C9: variants seen among roughly 807,000 people sequenced by gnomAD.
C9 encodes complement component C9.
C9 carries 63 observed loss-of-function variants against 65.4 expected under a neutral mutation model. That is an observed-to-expected ratio of 0.96 (90% CI 0.79 to 1.19). C9 has a LOEUF of 1.19. C9 is among the 50% of genes most tolerant of loss of function. The pLI is 0.00. For missense variants in C9, 744 were observed against 670.1 expected, an observed-to-expected ratio of 1.11 and a Z score of -1.22; for synonymous variants, 229 against 227.9, an observed-to-expected ratio of 1.00 and a Z score of -0.04.
At chr5:39,321,847 G>A (rs111515968) in intron 5 of C9, among the ~76,000 whole-genome samples, 1 of 152,148 alleles carries the variant, frequency 6.6e-6, no homozygotes, top group Non-Finnish European at 1.5e-5. Flanking sequence ...GCACCTAAAT[G>A]TATAAAGTAA....
chr5:39,318,500 T>A (rs1212111200), intron 5 of C9, among the ~76,000 whole-genome samples: 1 of 152,170 alleles, frequency 6.6e-6, no homozygotes, highest in Non-Finnish European at 1.5e-5. Context: ...GGGTTTTTCA[T>A]ATATAGCTCT....
chr5:39,341,488 T>G, intron 3 of C9, 68 bp downstream of exon 3: 1 of 1,566,880 alleles, frequency 6.4e-7, no homozygotes, highest in East Asian at 2.2e-5. Flanking sequence ...AGCATATGCT[T>G]TTTTTTTTCT....
At chr5:39,324,579 C>T (rs544921294) in intron 5 of C9, among the ~76,000 whole-genome samples, 11 of 152,162 alleles carry the variant, frequency 7.2e-5, no homozygotes, top group Non-Finnish European at 1.3e-4. Context: ...TAGCTTTTCT[C>T]ACTATGCCAG....
At position 39,354,621 on chromosome 5, in the gene C9, C is replaced by G. The variant is rs200727739; in HGVS notation, c.77+9767G>C. Among the ~76,000 whole-genome samples the G allele has an allele frequency of 2.6e-5, 4 of 152,126 alleles. No homozygotes were observed. The East Asian group carries it at 7.7e-4, about 29-fold the overall frequency. ...CTGAGCTGGTATCCTTTCTGAGTAC[C>G]TACTATGTTCCAGGTATTTGATATT... On this transcript the variant is annotated intron_variant, in intron 1 of 10. Transcript: ENST00000263408.
chr5:39,301,254 A>G (rs1753275274), intron 9 of C9, among the ~76,000 whole-genome samples: 1 of 152,136 alleles, frequency 6.6e-6, no homozygotes, highest in Admixed American at 6.6e-5. Context: ...GAGACATTTG[A>G]CGTGATAACT....
intron 4 of C9, among the ~76,000 whole-genome samples, chr5:39,335,135 T>C (rs958759645): frequency 6.6e-6 from 1 of 152,238 alleles, no homozygotes; most frequent in African/African-American, 2.4e-5. Context: ...TTTCTTTATA[T>C]GATAGTGAAC....
In C9 at chr5:39,314,342, G is replaced by A. The variant is rs572520389; in HGVS notation, c.870+1433C>T. On this transcript the variant is annotated intron_variant, in intron 6 of 10. Transcript: ENST00000263408. ...TGCATGCCTGTAATCCCAGCTACTC[G>A]GGAGGCTGAGGCAGGAGAATTGCTT... 9.2e-4 allele frequency among the ~76,000 whole-genome samples: 140 copies of A among 151,990 alleles called. 3 individuals carry two copies. The highest frequency in any genetic ancestry group is 3.3e-3 in the African/African-American group (136 of 41,434).
At chr5:39,345,138 A>T (rs949709993) in intron 1 of C9, among the ~76,000 whole-genome samples, 1 of 152,202 alleles carries the variant, frequency 6.6e-6, no homozygotes, top group African/African-American at 2.4e-5. Flanking sequence ...ACCAGCTATC[A>T]TCATAATGAC....
intron 1 of C9, among the ~76,000 whole-genome samples, chr5:39,360,171 T>A (rs1337412949): frequency 6.6e-6 from 1 of 152,226 alleles, no homozygotes; most frequent in Non-Finnish European, 1.5e-5. Flanking sequence ...CTAACATTTG[T>A]GAGTGCTTAT....
chr5:39,351,310 G>T (rs976238235), intron 1 of C9, among the ~76,000 whole-genome samples: 1 of 152,182 alleles, frequency 6.6e-6, no homozygotes, highest in Non-Finnish European at 1.5e-5. Context: ...TCTCTGAAAT[G>T]CCCTGGAGGC....
At chr5:39,346,773 T>G (rs924748035) in intron 1 of C9, among the ~76,000 whole-genome samples, 7 of 152,160 alleles carry the variant, frequency 4.6e-5, no homozygotes, top group African/African-American at 1.7e-4. Context: ...AAATCCTCAA[T>G]AAAATACTGG....
intron 1 of C9, among the ~76,000 whole-genome samples, chr5:39,358,372 A>G (rs936179743): frequency 1.3e-5 from 2 of 152,204 alleles, no homozygotes; most frequent in African/African-American, 4.8e-5. Flanking sequence ...TTGGAGGCAC[A>G]GCAAGCATGG....
intron 5 of C9, among the ~76,000 whole-genome samples, chr5:39,328,661 CA>C (rs1359789430): frequency 2.0e-5 from 3 of 151,804 alleles, no homozygotes; most frequent in Non-Finnish European, 4.4e-5. Flanking sequence ...CAAGATATAC[CA>C]GGAGAAAAAA....
chr5:39,360,223 C>T (rs966578606), intron 1 of C9, among the ~76,000 whole-genome samples: 6 of 152,162 alleles, frequency 3.9e-5, no homozygotes, highest in African/African-American at 1.4e-4. Flanking sequence ...TATTTATCAT[C>T]TCACTTAATT....
intron 4 of C9, among the ~76,000 whole-genome samples, chr5:39,340,092 G>A (rs1031814714): frequency 2.6e-5 from 4 of 152,006 alleles, no homozygotes; most frequent in African/African-American, 9.7e-5. Context: ...AGTCCTATCC[G>A]GGAAAAGAAA....
At position 39,309,618 on chromosome 5, in the gene C9, TG is replaced by T. The variant is rs545833865; in HGVS notation, c.1112-1261del. On this transcript the variant is annotated intron_variant, in intron 7 of 10. Transcript: ENST00000263408. Reference sequence around the variant, plus strand: ...CTGAAGATGAGGGTGAAAGATAACCTGGGTGACCCTAAAGGGCTCAGATTCT... The same window carrying T: ...CTGAAGATGAGGGTGAAAGATAACCTGGTGACCCTAAAGGGCTCAGATTCT... Among the ~76,000 whole-genome samples, 441 of 152,292 alleles carry T rather than the reference TG, an allele frequency of 2.9e-3. 2 individuals carry two copies. Among genetic ancestry groups the T allele is most frequent in the African/African-American group, 0.01 (422 of 41,578 alleles).
rs575968553 is a variant in C9 at position 39,302,479 on chromosome 5, C to T, written c.1416+4138G>A. 9.4e-4 allele frequency among the ~76,000 whole-genome samples: 143 copies of T among 152,120 alleles called. No homozygotes were observed. The Middle Eastern group carries it at 0.014, about 15-fold the overall frequency. ...ATAGAATGAGTGTTGTTTTTTATCC[C>T]TAAACAAGAGAGTTAGAAATGATTT... is the stretch of plus-strand genomic sequence containing the variant. On this transcript the variant is annotated intron_variant, in intron 9 of 10. Transcript: ENST00000263408.
At position 39,306,633 on chromosome 5, in the gene C9, A is replaced by G. The variant is rs958614813; in HGVS notation, c.1400T>C (p.Val467Ala). ...NWASSINDAPVLISQKLSPIY... is the reference protein window; with the variant it reads ...NWASSINDAPALISQKLSPIY... ...GTTTCTTACTTTTTGACTAATGAGA[A>G]CAGGAGCATCATTTATGGAAGAGGC... Residue 467 changes from valine to alanine, a missense_variant, in exon 9 of 11, where the codon GTT becomes GCT. Val to Ala is a moderately conservative substitution (Grantham distance 64). Transcript: ENST00000263408. 4 of 1,613,158 alleles carry G rather than the reference A, an allele frequency of 2.5e-6. No homozygotes were observed. Among genetic ancestry groups the G allele is most frequent in the Non-Finnish European group, 8.5e-7 (1 of 1,179,290 alleles).
chr5:39,333,759 GCA>G (rs1397075606), intron 4 of C9, among the ~76,000 whole-genome samples: 1 of 151,908 alleles, frequency 6.6e-6, no homozygotes, highest in Non-Finnish European at 1.5e-5. Context: ...TTGCAGGCGC[GCA>G]CCGCCACGCC....
Sources: gnomAD v4.1 joint callset for allele counts (sites outside exome capture counted in the v4.1 genomes callset) on GRCh38, gnomAD v4.1.1 for gene constraint, MANE v1.5 for transcripts, NCBI Gene and HGNC (gene_info 2026-07-23, HGNC 2026-07-21) for gene names.